CLRN1: variants seen among roughly 807,000 people sequenced by gnomAD.
CLRN1 encodes clarin 1.
In CLRN1, 15 loss-of-function variants were observed where a neutral mutation model predicts 18.7. The observed-to-expected ratio is 0.80, with a 90% CI of 0.54 to 1.23. CLRN1 has a LOEUF of 1.23. CLRN1 is among the 50% of genes most tolerant of loss of function. CLRN1 has a pLI of 0.00. For synonymous variants in CLRN1, 104 were observed against 102.9 expected, an observed-to-expected ratio of 1.01 and a Z score of -0.07; for missense variants, 311 against 277.5, an observed-to-expected ratio of 1.12 and a Z score of -0.86.
Position 150,927,988 on chromosome 3 carries a change from G to A in CLRN1, c.647C>T (p.Ala216Val). 6.2e-7 allele frequency: 1 copy of A among 1,614,118 alleles called. No individual in the cohort carries two copies. The highest frequency in any genetic ancestry group is 1.3e-5 in the African/African-American group (1 of 75,016). The change falls in exon 3 of 3, where the codon GCA (alanine) becomes GTA (valine). Residue 216 changes from alanine (A) to valine (V), a missense_variant. Coordinates refer to ENST00000327047, the MANE Select transcript of CLRN1 (RefSeq NM_174878.3). Reference protein sequence around the residue: ...IRLAGFQFPFAKSKDAETTNV... With the variant: ...IRLAGFQFPFVKSKDAETTNV... ...AGTTGTTTCTGCGTCTTTAGATTTTGCAAAAGGGAACTGAAATCCAGCAAG... is the reference window on the plus strand; with the variant it reads ...AGTTGTTTCTGCGTCTTTAGATTTTACAAAAGGGAACTGAAATCCAGCAAG...
Position 150,941,753 on chromosome 3 carries a change from C to T in CLRN1, c.262G>A (p.Asp88Asn). The T allele has an allele frequency of 1.2e-6, 2 of 1,613,880 alleles. No homozygotes were observed. Among genetic ancestry groups the T allele is most frequent in the Non-Finnish European group, 1.7e-6 (2 of 1,179,852 alleles). ...CTCACTGGGATTGCTTTGAGCAAAT[C>T]TGGAAAAACTGAAGATAAGACAAAA... ...ARPFRFSFFP[D>N]LLKAIPVSIH... Residue 88 changes from aspartate to asparagine, a missense_variant, in exon 2 of 3, where the codon GAT (aspartate) becomes AAT (asparagine). By Grantham distance (23) the Asp-to-Asn change is conservative. Coordinates refer to ENST00000327047, the MANE Select transcript of CLRN1 (RefSeq NM_174878.3).
chr3:150,944,135 T>C, intron 1 of CLRN1: 1 of 466,734 alleles, frequency 2.1e-6, no homozygotes, highest in African/African-American at 2.0e-5. Context: ...GAGAAGGAAA[T>C]CACCCTTTAA....
chr3:150,942,059 C>A (rs768629432), intron 1 of CLRN1, among the ~76,000 whole-genome samples: 3 of 151,548 alleles, frequency 2.0e-5, no homozygotes, highest in Non-Finnish European at 2.9e-5. Context: ...CAAATCTGTA[C>A]ATTTTAATAA....
At chr3:150,961,096 G>A (rs1370886732) in intron 1 of CLRN1, among the ~76,000 whole-genome samples, 1 of 152,244 alleles carries the variant, frequency 6.6e-6, no homozygotes, top group Non-Finnish European at 1.5e-5. Flanking sequence ...CATGAAAATG[G>A]AAGCGAAAGA....
At chr3:150,948,408 C>T (rs1436847853) in intron 1 of CLRN1, among the ~76,000 whole-genome samples, 4 of 143,330 alleles carry the variant, frequency 2.8e-5, no homozygotes, top group Non-Finnish European at 6.0e-5. Context: ...GGCGTGAACC[C>T]GGGAGGCGGA....
chr3:150,940,846 T>C (rs1576630929), intron 2 of CLRN1, among the ~76,000 whole-genome samples: 1 of 152,354 alleles, frequency 6.6e-6, no homozygotes, highest in South Asian at 2.1e-4. Context: ...CACATGTTTA[T>C]TGATGAACTA....
intron 1 of CLRN1, among the ~76,000 whole-genome samples, chr3:150,953,059 G>T (rs180925943): frequency 6.6e-6 from 1 of 152,266 alleles, no homozygotes; most frequent in East Asian, 1.9e-4. Context: ...GAAGCTGAGA[G>T]CAGACCATTC....
At chr3:150,957,380 T>A (rs1441077308) in intron 1 of CLRN1, among the ~76,000 whole-genome samples, 4 of 152,228 alleles carry the variant, frequency 2.6e-5, no homozygotes, top group Non-Finnish European at 4.4e-5. Flanking sequence ...TCCCAGTCCC[T>A]CCTTAGCTCC....
chr3:150,943,742 A>T, intron 1 of CLRN1: 1 of 1,609,228 alleles, frequency 6.2e-7, no homozygotes, highest in Non-Finnish European at 8.5e-7. Flanking sequence ...CTGACAACAC[A>T]CTGCTGTCCA....
intron 1 of CLRN1, among the ~76,000 whole-genome samples, chr3:150,965,689 A>C (rs2107987080): frequency 6.6e-6 from 1 of 152,334 alleles, no homozygotes; most frequent in Non-Finnish European, 1.5e-5. Flanking sequence ...AGTGCCACTT[A>C]GAACCTGCCC....
At chr3:150,957,675 T>C (rs1202875403) in intron 1 of CLRN1, among the ~76,000 whole-genome samples, 1 of 152,130 alleles carries the variant, frequency 6.6e-6, no homozygotes, top group Admixed American at 6.5e-5. Flanking sequence ...AGGGGGTCGG[T>C]GGGGACGGAG....
At chr3:150,942,616 C>T (rs1230193436) in intron 1 of CLRN1, 1 of 455,254 alleles carries the variant, frequency 2.2e-6, no homozygotes. Context: ...GACAAGATTC[C>T]TGTTGTCTCA....
At chr3:150,970,347 C>T (rs900820991) in intron 1 of CLRN1, among the ~76,000 whole-genome samples, 1 of 152,016 alleles carries the variant, frequency 6.6e-6, no homozygotes, top group Non-Finnish European at 1.5e-5. Context: ...GGAGTGTAAA[C>T]TTTGAGGGTG....
chr3:150,934,297 C>T (rs1004244315), intron 2 of CLRN1, among the ~76,000 whole-genome samples: 1 of 152,114 alleles, frequency 6.6e-6, no homozygotes, highest in Admixed American at 6.6e-5. Flanking sequence ...TAATTAGGCC[C>T]ATACTAGGAG....
chr3:150,956,958 G>A (rs1415818930), intron 1 of CLRN1, among the ~76,000 whole-genome samples: 2 of 152,090 alleles, frequency 1.3e-5, no homozygotes, highest in Non-Finnish European at 2.9e-5. Flanking sequence ...ACAGAGAAAG[G>A]TGAGGCTATC....
chr3:150,940,952 G>A (rs764284769), intron 2 of CLRN1, among the ~76,000 whole-genome samples: 5 of 151,944 alleles, frequency 3.3e-5, no homozygotes, highest in African/African-American at 4.8e-5. Flanking sequence ...ATATGTGGGC[G>A]GAACACTGGC....
intron 1 of CLRN1, among the ~76,000 whole-genome samples, chr3:150,956,767 T>C (rs1576641379): frequency 6.6e-6 from 1 of 152,200 alleles, no homozygotes; most frequent in African/African-American, 2.4e-5. Flanking sequence ...CCTTAGCCTC[T>C]GATCTGTGGG....
At chr3:150,950,185 G>A (rs1053544983) in intron 1 of CLRN1, among the ~76,000 whole-genome samples, 4 of 152,152 alleles carry the variant, frequency 2.6e-5, no homozygotes, top group Admixed American at 6.5e-5. Flanking sequence ...AGATTTAAAT[G>A]TAAAACCCAA....
intron 1 of CLRN1, among the ~76,000 whole-genome samples, chr3:150,943,575 T>A (rs1359399498): frequency 6.6e-6 from 1 of 152,158 alleles, no homozygotes; most frequent in African/African-American, 2.4e-5. Context: ...GCATTCACCA[T>A]CCTTCAGTTC....
Sources: allele counts gnomAD v4.1 joint callset (sites outside exome capture counted in the v4.1 genomes callset), GRCh38; gene constraint gnomAD v4.1.1; transcripts MANE v1.5; gene names NCBI Gene and HGNC (gene_info 2026-07-23, HGNC 2026-07-21).